LRIG2: variants seen among roughly 807,000 people sequenced by gnomAD.
LRIG2 encodes the protein leucine rich repeats and immunoglobulin like domains 2.
In LRIG2, 93 loss-of-function variants were observed where a neutral mutation model predicts 107.8. That is an observed-to-expected ratio of 0.86 (90% CI 0.73 to 1.03). The LOEUF is 1.03. Ranked by LOEUF, LRIG2 falls within the 50% of genes least tolerant of loss-of-function variation. The pLI, the probability that LRIG2 is intolerant of heterozygous loss-of-function variation, is 0.00. For synonymous variants in LRIG2, 471 were observed against 470.6 expected (o/e 1.00, Z -0.01); for missense variants, 1,226 against 1,296.0 (o/e 0.95, Z 0.83).
intron 14 of LRIG2, among the ~76,000 whole-genome samples, chr1:113,114,070 TTTTC>T (rs1278838952): frequency 6.6e-6 from 1 of 152,198 alleles, no homozygotes; most frequent in Non-Finnish European, 1.5e-5. Flanking sequence ...TTAAAAATGT[TTTTC>T]TTTATTCTTT....
rs571181012 is a variant in LRIG2 at position 113,095,929 on chromosome 1, C to T, written c.859C>T (p.Arg287Ter). 8.1e-6 allele frequency: 13 copies of T among 1,614,084 alleles called. No individual in the cohort carries two copies. The highest frequency in any genetic ancestry group is 1.1e-5 in the South Asian group (1 of 91,078). ...AAACAAGGGGTGGTTGTATGGCTTGCGAATGTTACAGCAGCTCTATGTGAG... is the reference window on the plus strand; with the variant it reads ...AAACAAGGGGTGGTTGTATGGCTTGTGAATGTTACAGCAGCTCTATGTGAG... ...RVNKGWLYGL[R>*]MLQQLYVSQN... The change falls in exon 7 of 18, where the codon CGA becomes TGA. Residue 287 changes from arginine (R) to a stop codon, truncating the protein, a stop_gained. Transcript: ENST00000361127. LOFTEE classifies it high-confidence loss of function.
In LRIG2 at chr1:113,124,054, G is replaced by A. The variant is rs1350982821; in HGVS notation, c.3151G>A (p.Asp1051Asn). Residue 1051 changes from aspartate (D) to asparagine (N), a missense_variant, in exon 18 of 18, where the codon GAT becomes AAT. By Grantham distance (23) the Asp-to-Asn change is conservative. Around this residue, in one of 3 missense-constraint regions of LRIG2, gnomAD observed 642 missense variants for 712.2 expected, o/e 0.90. Transcript: ENST00000361127. ...CCACAGGTTACAGGATCATGCTTTT[G>A]ATTTTAGTAGGACTCGGAACATTCA... ...SCHRLQDHAF[D>N]FSRTRNIQDG... 6.2e-7 allele frequency: 1 copy of A among 1,614,128 alleles called. No individual in the cohort carries two copies. The highest frequency in any genetic ancestry group is 1.1e-5 in the South Asian group (1 of 91,074).
Position 113,110,492 on chromosome 1 carries a change from A to G in LRIG2, c.1728A>G (p.Gly576=). 1 of 1,613,602 alleles carries G rather than the reference A, an allele frequency of 6.2e-7. No homozygotes were observed. The highest frequency in any genetic ancestry group is 2.2e-5 in the East Asian group (1 of 44,888). ...TCAATGTGAATTTCACAGATGAAGGAAAATATCAGTGTATTGTTACTAATC... is the reference window on the plus strand; with the variant it reads ...TCAATGTGAATTTCACAGATGAAGGGAAATATCAGTGTATTGTTACTAATC... ...HLFNVNFTDE[G]KYQCIVTNHF... The change falls in exon 13 of 18, where the codon GGA becomes GGG. Residue 576 remains glycine (G), a synonymous_variant. Transcript: ENST00000361127.
intron 1 of LRIG2, among the ~76,000 whole-genome samples, chr1:113,084,906 C>G (rs1047527723): frequency 3.9e-5 from 6 of 152,080 alleles, no homozygotes; most frequent in Admixed American, 3.3e-4. Flanking sequence ...CACATTTATT[C>G]TGTATTATTT....
chr1:113,116,393 A>C lies in LRIG2; in HGVS notation c.2637A>C (p.Gln879His), dbSNP rs545936444. 6.2e-7 allele frequency: 1 copy of C among 1,613,868 alleles called. No homozygotes were observed. The highest frequency in any genetic ancestry group is 2.2e-5 in the East Asian group (1 of 44,870). Residue 879 changes from glutamine (Q) to histidine (H), a missense_variant, in exon 16 of 18, where the codon CAA becomes CAC. By Grantham distance (24) the Gln-to-His change is conservative. Around this residue, in one of 3 missense-constraint regions of LRIG2, gnomAD observed 642 missense variants for 712.2 expected, o/e 0.90. Coordinates refer to ENST00000361127, the MANE Select transcript of LRIG2 (RefSeq NM_014813.3). ...ACTCTGAGGCAGGCAGTCATCAGCA[A>C]CTTATGCCTCCTGCCAATGGATATA... ...YSNSEAGSHQ[Q>H]LMPPANGYIH...
chr1:113,094,111 C>T (rs1458301392), intron 4 of LRIG2, among the ~76,000 whole-genome samples: 2 of 152,136 alleles, frequency 1.3e-5, no homozygotes, highest in African/African-American at 2.4e-5. Flanking sequence ...CAGTGTTTTC[C>T]AGTTTACAAA....
chr1:113,075,139 G>A (rs914195012), intron 1 of LRIG2, among the ~76,000 whole-genome samples: 1 of 152,102 alleles, frequency 6.6e-6, no homozygotes, highest in African/African-American at 2.4e-5. Flanking sequence ...TTGAACCCGG[G>A]AGGGCGAGGT....
Position 113,112,513 on chromosome 1 carries a change from G to A in LRIG2, c.1833G>A (p.Leu611=), listed in dbSNP as rs1346201392. 1.9e-6 allele frequency: 3 copies of A among 1,611,506 alleles called. No homozygotes were observed. The highest frequency in any genetic ancestry group is 2.2e-5 in the East Asian group (1 of 44,792). The change falls in exon 14 of 18, where the codon CTG becomes CTA. Residue 611 remains leucine (L), a synonymous_variant. Coordinates refer to ENST00000361127, the MANE Select transcript of LRIG2 (RefSeq NM_014813.3). ...MPSFLKTPMD[L]TIRTGAMARL... Reference sequence around the variant, plus strand: ...CTTTTCTGAAAACGCCAATGGATCTGACTATTCGCACTGGTGCCATGGCCA... The same window carrying A: ...CTTTTCTGAAAACGCCAATGGATCTAACTATTCGCACTGGTGCCATGGCCA...
intron 17 of LRIG2, 63 bp from the exon 18 acceptor site, chr1:113,123,812 T>C: frequency 7.6e-7 from 1 of 1,313,260 alleles, no homozygotes; most frequent in Non-Finnish European, 1.1e-6. Flanking sequence ...TCTTTGAGGA[T>C]TTGGCTAAAA....
chr1:113,121,954 T>A (rs1054272682), intron 17 of LRIG2, among the ~76,000 whole-genome samples: 2 of 152,000 alleles, frequency 1.3e-5, no homozygotes, highest in East Asian at 1.9e-4. Flanking sequence ...CACATGAAAC[T>A]CTTCAGGATG....
intron 14 of LRIG2, among the ~76,000 whole-genome samples, chr1:113,113,803 C>T (rs186232212): frequency 3.3e-5 from 5 of 151,802 alleles, no homozygotes; most frequent in African/African-American, 9.7e-5. Flanking sequence ...CCTCATGATC[C>T]GCCTGCCTCA....
intron 1 of LRIG2, among the ~76,000 whole-genome samples, chr1:113,084,341 G>A (rs1304078133): frequency 6.8e-6 from 1 of 147,994 alleles, no homozygotes; most frequent in Non-Finnish European, 1.5e-5. Flanking sequence ...TCAGCCTCCC[G>A]AGTAGCTGGG....
chr1:113,109,896 G>T (rs897226874), intron 12 of LRIG2, among the ~76,000 whole-genome samples: 5 of 152,086 alleles, frequency 3.3e-5, no homozygotes, highest in African/African-American at 9.7e-5. Context: ...CTAATATAAG[G>T]TTTCTGTTTT....
intron 1 of LRIG2, among the ~76,000 whole-genome samples, chr1:113,081,389 G>A (rs1015435363): frequency 5.3e-5 from 8 of 151,606 alleles, no homozygotes; most frequent in Admixed American, 2.0e-4. Flanking sequence ...ACTGTATACT[G>A]GTCACCCATT....
In LRIG2 at chr1:113,096,601, A is replaced by C. The variant is rs369240939; in HGVS notation, c.1091+236A>C. On this transcript the variant is annotated intron_variant, in intron 8 of 17. Coordinates refer to ENST00000361127, the MANE Select transcript of LRIG2 (RefSeq NM_014813.3). ...TTCTGAGTTAATCCCATAAGCATCA[A>C]AGCATGTCTTATTGTGTTAGTTGCT... 5.3e-5 allele frequency among the ~76,000 whole-genome samples: 8 copies of C among 152,320 alleles called. No homozygotes were observed. The South Asian group carries it at 1.7e-3, about 32-fold the overall frequency.
chr1:113,096,254 A>G lies in LRIG2; in HGVS notation c.980A>G (p.Asp327Gly). The G allele has an allele frequency of 6.2e-7, 1 of 1,614,184 alleles. No individual in the cohort carries two copies. Among genetic ancestry groups the G allele is most frequent in the Non-Finnish European group, 8.5e-7 (1 of 1,180,030 alleles). Residue 327 changes from aspartate to glycine, a missense_variant, in exon 8 of 18, where the codon GAT (aspartate) becomes GGT (glycine). Asp to Gly is a moderately conservative substitution (Grantham distance 94). Transcript: ENST00000361127. ...DLSYNQLTRL[D>G]ESAFVGLSLL... Reference sequence around the variant, plus strand: ...TCCTATAACCAGCTGACCCGCCTGGATGAATCTGCCTTTGTGGGTCTGAGC... The same window carrying G: ...TCCTATAACCAGCTGACCCGCCTGGGTGAATCTGCCTTTGTGGGTCTGAGC...
intron 1 of LRIG2, among the ~76,000 whole-genome samples, chr1:113,087,304 G>A (rs1431812244): frequency 6.6e-6 from 1 of 152,146 alleles, no homozygotes; most frequent in East Asian, 1.9e-4. Flanking sequence ...TATTCCAAGA[G>A]TTTTAAATCT....
rs576177702 is a variant in LRIG2, at chr1:113,073,250, G to T, written c.-157G>T. On this transcript the variant is annotated 5_prime_UTR_variant, in exon 1 of 18. Coordinates refer to ENST00000361127, the MANE Select transcript of LRIG2 (RefSeq NM_014813.3). ...GTCCCAGGCCGTCGACCCCGCTGTC[G>T]CGCTGCGTCTGCTCCTTGCATGCCT... 40 of 665,648 alleles carry T rather than the reference G, an allele frequency of 6.0e-5. No individual in the cohort carries two copies. The highest frequency in any genetic ancestry group is 5.5e-4 in the South Asian group (30 of 54,976). The allele number at this position is 665,648 out of a possible 1,614,324, so 41.2% of individuals were successfully genotyped here.
rs889664036 is a variant in LRIG2, at chr1:113,093,262, A to G, written c.362A>G (p.Asn121Ser). The change falls in exon 3 of 18, where the codon AAT (asparagine) becomes AGT (serine). Residue 121 changes from asparagine (N) to serine (S), a missense_variant. This residue lies in a region of LRIG2 where 570 missense variants were observed against 550.2 expected (regional missense o/e 1.04). Coordinates refer to ENST00000361127, the MANE Select transcript of LRIG2 (RefSeq NM_014813.3). Reference protein sequence around the residue: ...EIPYFGEPTSNITLLSLVHNI... With the variant: ...EIPYFGEPTSSITLLSLVHNI... ...CCGTATTTTGGAGAACCTACATCTA[A>G]TATTACTCTACTTTCATTGTAAGTT... The G allele has an allele frequency of 6.3e-6, 10 of 1,594,158 alleles. No homozygotes were observed. The highest frequency in any genetic ancestry group is 1.8e-5 in the Admixed American group (1 of 57,048).
Sources: gnomAD v4.1 joint callset for allele counts (sites outside exome capture counted in the v4.1 genomes callset) on GRCh38, gnomAD v4.1.1 for gene constraint, gnomAD v4.1.1 regional missense constraint, MANE v1.5 for transcripts, NCBI Gene and HGNC (gene_info 2026-07-23, HGNC 2026-07-21) for gene names.